CAPN15: variants seen among roughly 807,000 people sequenced by gnomAD.
CAPN15 encodes calpain-15.
Under a neutral mutation model 97.9 loss-of-function variants are expected in CAPN15, and 53 were observed. The observed-to-expected ratio is 0.54, with a 90% CI of 0.43 to 0.68. The LOEUF is 0.68. Ranked by LOEUF, CAPN15 falls within the 30% of genes least tolerant of loss-of-function variation. The probability of loss-of-function intolerance (pLI) is 0.00; values close to 1 mark genes in which losing one functional copy is unlikely to be tolerated. For missense variants in CAPN15, 1,592 were observed against 1,589.8 expected, an observed-to-expected ratio of 1.00 and a Z score of -0.02; for synonymous variants, 922 against 722.5, an observed-to-expected ratio of 1.28 and a Z score of -4.43.
intron 7 of CAPN15, among the ~76,000 whole-genome samples, chr16:550,961 C>T (rs1258767325): frequency 1.6e-5 from 2 of 128,570 alleles, no homozygotes; most frequent in Admixed American, 7.4e-5. Context: ...GTGAGGGCCC[C>T]GGTCGGTGAG....
chr16:534,235 G>GCGGCCCGGGGGCCCGACGGGGCC (rs374380680), intron 2 of CAPN15, among the ~76,000 whole-genome samples: 2 of 151,428 alleles, frequency 1.3e-5, no homozygotes, highest in South Asian at 2.1e-4. Context: ...TCCCGACAGG[G>GCGGCCCGGGGGCCCGACGGGGCC]GTGTTTGTCC....
chr16:546,368 C>T (rs1292131866), intron 3 of CAPN15, among the ~76,000 whole-genome samples: 3 of 152,192 alleles, frequency 2.0e-5, no homozygotes, highest in African/African-American at 4.8e-5. Flanking sequence ...GTGGGGAGGC[C>T]CCTTGCTCAG....
At chr16:545,932 A>G (rs542360572) in intron 3 of CAPN15, among the ~76,000 whole-genome samples, 17 of 152,338 alleles carry the variant, frequency 1.1e-4, no homozygotes, top group African/African-American at 3.4e-4. Flanking sequence ...AGCTGCATCC[A>G]TGCCCTTCTC....
Position 552,783 on chromosome 16 carries a change from T to C in CAPN15, c.2904+12T>C. 2.0e-6 allele frequency: 3 copies of C among 1,469,928 alleles called. No homozygotes were observed. The highest frequency in any genetic ancestry group is 2.7e-6 in the Non-Finnish European group (3 of 1,091,626). 91.1% of individuals were successfully genotyped at this position (1,469,928 alleles called of 1,614,324 possible). On this transcript the variant is annotated intron_variant, in intron 12 of 13. Coordinates refer to ENST00000219611, the MANE Select transcript of CAPN15 (RefSeq NM_005632.3). The surrounding 1 kb of genome is among the most constrained non-coding windows in gnomAD (Gnocchi z 6.4). ...GAGAGCGGCACGAGGTGGGTGGGGGTCCCGGGGGAGGGTGGCGTGGGGCAG... is the reference window on the plus strand; with the variant it reads ...GAGAGCGGCACGAGGTGGGTGGGGGCCCCGGGGGAGGGTGGCGTGGGGCAG...
intron 3 of CAPN15, among the ~76,000 whole-genome samples, chr16:545,587 G>A (rs866850440): frequency 1.3e-4 from 20 of 152,212 alleles, no homozygotes; most frequent in Middle Eastern, 3.2e-3. Context: ...GGATGACTCC[G>A]AAAGGTGTCT....
intron 3 of CAPN15, among the ~76,000 whole-genome samples, chr16:543,771 C>A (rs891183929): frequency 6.6e-6 from 1 of 152,192 alleles, no homozygotes. Flanking sequence ...TGCCGTGCTC[C>A]GACGGAGGGC....
rs373318833 is a variant in CAPN15, at chr16:553,794, C to T, written c.*278C>T. On this transcript the variant is annotated 3_prime_UTR_variant, in exon 14 of 14. Transcript: ENST00000219611. ...CCGCTCACCTGCCAGCCCCAACACCCGACGGGGGCCGAGGCCAGGCTGCCC... is the reference window on the plus strand; with the variant it reads ...CCGCTCACCTGCCAGCCCCAACACCTGACGGGGGCCGAGGCCAGGCTGCCC... The T allele has an allele frequency of 2.0e-5, 7 of 346,354 alleles. No individual in the cohort carries two copies. The highest frequency in any genetic ancestry group is 1.7e-4 in the South Asian group (2 of 11,784). 21.5% of individuals were successfully genotyped at this position (346,354 alleles called of 1,614,324 possible).
At chr16:546,758 G>T (rs2034612085) in intron 3 of CAPN15, 59 bp from the exon 4 acceptor site, 1 of 1,497,488 alleles carries the variant, frequency 6.7e-7, no homozygotes, top group South Asian at 1.4e-5. Context: ...CGAGAGGAGG[G>T]TGGGGTCCAG....
chr16:544,129 C>T lies in CAPN15; in HGVS notation c.-22-2688C>T, dbSNP rs1376923046. 2.0e-5 allele frequency among the ~76,000 whole-genome samples: 3 copies of T among 152,088 alleles called. No homozygotes were observed. In the East Asian group the frequency reaches 5.8e-4, roughly 29 times the overall value. On this transcript the variant is annotated intron_variant, in intron 3 of 13. Coordinates refer to ENST00000219611, the MANE Select transcript of CAPN15 (RefSeq NM_005632.3). ...GGTAGACCCCCCCTGGCAAGGCTGA[C>T]CGGCGCCGGGCTGTGGCCAGACCAG...
At chr16:531,731 G>C (rs2033277576) in intron 1 of CAPN15, among the ~76,000 whole-genome samples, 1 of 151,188 alleles carries the variant, frequency 6.6e-6, no homozygotes, top group Non-Finnish European at 1.5e-5. Flanking sequence ...TCCTTCTCTG[G>C]GATGACAGGT....
rs1471603432 is a variant in CAPN15 at position 535,049 on chromosome 16, C to T, written c.-136-980C>T. 6.6e-6 allele frequency among the ~76,000 whole-genome samples: 1 copy of T among 152,074 alleles called. No homozygotes were observed. The highest frequency in any genetic ancestry group is 1.5e-5 in the Non-Finnish European group (1 of 67,988). ...GGAGTGGACACAGCTGTGGGTGCCG[C>T]CCGCGCAAGGCTGGGGGTCGCTGTG... On this transcript the variant is annotated intron_variant, in intron 2 of 13. Transcript: ENST00000219611. The surrounding 1 kb of genome is among the most constrained non-coding windows in gnomAD (Gnocchi z 6.2).
chr16:539,780 T>G lies in CAPN15; in HGVS notation c.-23+3638T>G, dbSNP rs148154990. ...TCCCCTGCCTACCTTTGGGTAGACGTTCTCTTGACCCTTCCTTCTGTGATA... is the reference window on the plus strand; with the variant it reads ...TCCCCTGCCTACCTTTGGGTAGACGGTCTCTTGACCCTTCCTTCTGTGATA... On this transcript the variant is annotated intron_variant, in intron 3 of 13. Transcript: ENST00000219611. 727 of 152,452 alleles carry G rather than the reference T, an allele frequency of 4.8e-3. 7 individuals are homozygous for G. Among genetic ancestry groups the G allele is most frequent in the Non-Finnish European group, 3.6e-3 (246 of 68,098 alleles). 9.4% of individuals were successfully genotyped at this position (152,452 alleles called of 1,614,324 possible).
chr16:536,338 TC>T (rs1176310876), intron 3 of CAPN15, among the ~76,000 whole-genome samples, 196 bp downstream of exon 3: 1 of 152,220 alleles, frequency 6.6e-6, no homozygotes, highest in Non-Finnish European at 1.5e-5. Flanking sequence ...TCCCACCACT[TC>T]TTGCTCCTCT....
rs775059866 is a variant in CAPN15 at position 547,030 on chromosome 16, C to T, written c.192C>T (p.Cys64=). ...GCAACTTCCTGGGCAAGGAGGCCTG[C>T]GAGGTGTGCGGCTTCACCCCGGAGC... ...TFRNFLGKEA[C]EVCGFTPEPA... is the part of the protein sequence containing the mutation. Residue 64 remains cysteine (C), a synonymous_variant, in exon 4 of 14, where the codon TGC becomes TGT. Transcript: ENST00000219611. The T allele has an allele frequency of 2.4e-5, 38 of 1,609,270 alleles. No homozygotes were observed. In the East Asian group the frequency reaches 4.0e-4, roughly 17 times the overall value.
At chr16:550,695 G>A (rs572220600) in intron 7 of CAPN15, among the ~76,000 whole-genome samples, 1 of 137,580 alleles carries the variant, frequency 7.3e-6, no homozygotes, top group African/African-American at 2.6e-5. Flanking sequence ...GTCGGTGAGG[G>A]TCCCGGTCGG....
chr16:551,164 G>A (rs1343392630), intron 7 of CAPN15, 138 bp from the exon 8 acceptor site: 3 of 1,384,394 alleles, frequency 2.2e-6, no homozygotes, highest in East Asian at 4.8e-5. Context: ...CGCCCCGTCG[G>A]TGAGGGTCCC....
At chr16:546,674 G>T in intron 3 of CAPN15, 143 bp from the exon 4 acceptor site, 1 of 1,143,670 alleles carries the variant, frequency 8.7e-7, no homozygotes, top group Non-Finnish European at 1.2e-6. Context: ...CCCCACCGCC[G>T]CCTGCCTCAA....
Position 552,578 on chromosome 16 carries a change from C to T in CAPN15, c.2738-27C>T. ...TCATGCCCCAGGCCCACGGGGAGGG[C>T]TGCGGTTCACACGCCCGTCCTTGTA... is the stretch of plus-strand genomic sequence containing the variant. On this transcript the variant is annotated intron_variant, in intron 11 of 13. Transcript: ENST00000219611. The surrounding 1 kb of genome is among the most constrained non-coding windows in gnomAD (Gnocchi z 6.4). The T allele has an allele frequency of 6.4e-7, 1 of 1,557,090 alleles. No individual in the cohort carries two copies. The highest frequency in any genetic ancestry group is 8.7e-7 in the Non-Finnish European group (1 of 1,154,858).
At position 551,669 on chromosome 16, in the gene CAPN15, C is replaced by A; in HGVS notation, c.2345+5C>A. The A allele has an allele frequency of 6.3e-7, 1 of 1,588,116 alleles. No homozygotes were observed. The highest frequency in any genetic ancestry group is 1.1e-5 in the South Asian group (1 of 90,804). ...GGAGTACGGCGACTTTGTCAGGTATCGGCACCGTGGGGCGGTGTGCACGCC... is the reference window on the plus strand; with the variant it reads ...GGAGTACGGCGACTTTGTCAGGTATAGGCACCGTGGGGCGGTGTGCACGCC... On this transcript the variant is annotated splice_donor_5th_base_variant and intron_variant, in intron 9 of 13. Coordinates refer to ENST00000219611, the MANE Select transcript of CAPN15 (RefSeq NM_005632.3).
Sources: allele counts gnomAD v4.1 joint callset (sites outside exome capture counted in the v4.1 genomes callset), GRCh38; gene constraint gnomAD v4.1.1; non-coding constraint Gnocchi (gnomAD v3.1); transcripts MANE v1.5; gene names NCBI Gene and HGNC (gene_info 2026-07-23, HGNC 2026-07-21).